TMEM117: variants seen among roughly 807,000 people sequenced by gnomAD.
TMEM117 encodes transmembrane protein 117.
Under a neutral mutation model 52.4 loss-of-function variants are expected in TMEM117, and 27 were observed. That is an observed-to-expected ratio of 0.51 (90% confidence interval 0.38 to 0.71). The LOEUF (loss-of-function observed/expected upper bound fraction) is 0.71, where lower values mean the gene tolerates loss of function less well. Ranked by LOEUF, TMEM117 falls within the 30% of genes least tolerant of loss-of-function variation. TMEM117 has a pLI of 0.00. For synonymous variants in TMEM117, 215 were observed against 206.3 expected, an observed-to-expected ratio of 1.04 and a Z score of -0.36; for missense variants, 556 against 630.5, an observed-to-expected ratio of 0.88 and a Z score of 1.26.
chr12:43,959,891 A>T (rs1945373860), intron 3 of TMEM117, among the ~76,000 whole-genome samples: 1 of 152,242 alleles, frequency 6.6e-6, no homozygotes. Context: ...GAGATACAAT[A>T]TGATTTCCAA....
At chr12:43,796,927 GA>G in the TMEM117 span, 1 of 1,572,806 alleles carries the variant, frequency 6.4e-7, no homozygotes. Flanking sequence ...ACATAGAAAT[GA>G]AAAGAAAAAT....
chr12:44,347,809 C>G (rs937312611), intron 6 of TMEM117, among the ~76,000 whole-genome samples: 7 of 152,032 alleles, frequency 4.6e-5, no homozygotes, highest in Non-Finnish European at 1.0e-4. Flanking sequence ...AATTTTTCCT[C>G]TCTTCTTTAC....
intron 3 of TMEM117, among the ~76,000 whole-genome samples, chr12:44,129,432 C>A (rs1054438191): frequency 5.9e-5 from 9 of 151,810 alleles, no homozygotes; most frequent in Admixed American, 5.9e-4. Flanking sequence ...ATGTCAGTGT[C>A]TTGCAGAGCT....
intron 5 of TMEM117, among the ~76,000 whole-genome samples, chr12:44,220,906 A>C (rs933573304): frequency 6.6e-6 from 1 of 152,192 alleles, no homozygotes; most frequent in African/African-American, 2.4e-5. Context: ...AAAATGATTA[A>C]ATAAATAAGT....
chr12:43,930,135 T>C (rs1394980142), intron 2 of TMEM117, among the ~76,000 whole-genome samples: 2 of 152,196 alleles, frequency 1.3e-5, no homozygotes, highest in East Asian at 1.9e-4. Flanking sequence ...ATATATCACA[T>C]CCTAAAGCCT....
intron 3 of TMEM117, among the ~76,000 whole-genome samples, chr12:44,033,655 A>G (rs766022343): frequency 1.3e-5 from 2 of 152,228 alleles, no homozygotes; most frequent in Non-Finnish European, 2.9e-5. Flanking sequence ...CATTTCCTCA[A>G]TGATGGTCAT....
chr12:44,367,458 C>T (rs889888512), intron 6 of TMEM117, among the ~76,000 whole-genome samples: 2 of 152,054 alleles, frequency 1.3e-5, no homozygotes, highest in African/African-American at 4.8e-5. Flanking sequence ...ACCACTTTCT[C>T]TTGTTCTTCT....
chr12:43,813,231 G>GCTTTTTTTTTT, the TMEM117 span, among the ~76,000 whole-genome samples: 8 of 62,618 alleles, frequency 1.3e-4, no homozygotes, highest in African/African-American at 4.7e-4. Context: ...GTTTTCTCTT[G>GCTTTTTTTTTT]TTTTTTTTTT....
chr12:44,354,029 C>A (rs1225191119), intron 6 of TMEM117, among the ~76,000 whole-genome samples: 22 of 152,112 alleles, frequency 1.4e-4, no homozygotes, highest in Admixed American at 5.2e-4. Context: ...TGTAAGTTGG[C>A]TTCCTAGGTA....
chr12:43,920,696 A>AG (rs1944679858), intron 2 of TMEM117, among the ~76,000 whole-genome samples: 1 of 151,902 alleles, frequency 6.6e-6, no homozygotes. Flanking sequence ...CTGGCACCAT[A>AG]GGTGCACCAC....
At chr12:44,164,265 T>G (rs1365516357) in intron 4 of TMEM117, among the ~76,000 whole-genome samples, 1 of 152,156 alleles carries the variant, frequency 6.6e-6, no homozygotes, top group African/African-American at 2.4e-5. Flanking sequence ...GTTACATGGA[T>G]AAGTTCTTTA....
chr12:43,809,811 CTTTTA>C, the TMEM117 span, among the ~76,000 whole-genome samples: 8 of 152,098 alleles, frequency 5.3e-5, no homozygotes, highest in Non-Finnish European at 7.4e-5. Context: ...CTGAAATTAA[CTTTTA>C]TTATATGCAT....
intron 3 of TMEM117, among the ~76,000 whole-genome samples, chr12:43,984,362 C>CGTA (rs1945810787): frequency 9.8e-6 from 1 of 101,646 alleles, no homozygotes; most frequent in South Asian, 4.2e-4. Context: ...AGTGAGACTC[C>CGTA]GTAACAACAA....
upstream of TMEM117, chr12:43,835,878 G>C (rs1943016969): frequency 6.6e-6 from 1 of 152,158 alleles, no homozygotes; most frequent in East Asian, 1.9e-4. Flanking sequence ...CATGCCTCCA[G>C]CTGCAGAGGT....
At chr12:44,111,711 T>C (rs1169587330) in intron 3 of TMEM117, among the ~76,000 whole-genome samples, 7 of 141,644 alleles carry the variant, frequency 4.9e-5, no homozygotes, top group Non-Finnish European at 1.1e-4. Flanking sequence ...GTTCTGTAGA[T>C]GTCTATTAGG....
rs184529394 is a variant in TMEM117, at chr12:43,841,420, A to G, written c.-28-3204A>G. On this transcript the variant is annotated intron_variant, in intron 1 of 7. Transcript: ENST00000266534. The stretch of plus-strand genomic sequence containing the variant: ...CCTGTAATGTGGCAGTGATAGTAGC[A>G]TTCATGGCATTACTGTGGTAATTAA... Among the ~76,000 whole-genome samples, 57 of 152,328 alleles carry G rather than the reference A, an allele frequency of 3.7e-4. No individual in the cohort carries two copies. In the East Asian group the frequency reaches 0.011, roughly 28 times the overall value.
chr12:44,256,703 G>T (rs1950264252), intron 5 of TMEM117, among the ~76,000 whole-genome samples: 2 of 151,956 alleles, frequency 1.3e-5, no homozygotes, highest in Admixed American at 1.3e-4. Context: ...AAAATAACAT[G>T]GGCTTTCATC....
intron 3 of TMEM117, among the ~76,000 whole-genome samples, chr12:44,105,180 T>C (rs773032597): frequency 2.7e-4 from 41 of 152,016 alleles, no homozygotes; most frequent in Non-Finnish European, 4.9e-4. Context: ...TTTTTTCCCT[T>C]TGATTTTCAA....
At chr12:43,986,322 A>T (rs1945846467) in intron 3 of TMEM117, among the ~76,000 whole-genome samples, 1 of 152,200 alleles carries the variant, frequency 6.6e-6, no homozygotes. Context: ...AGTACTCATG[A>T]TTAAGTTTTT....
Sources: gnomAD v4.1 joint callset for allele counts (sites outside exome capture counted in the v4.1 genomes callset) on GRCh38, gnomAD v4.1.1 for gene constraint, MANE v1.5 for transcripts, NCBI Gene and HGNC (gene_info 2026-07-23, HGNC 2026-07-21) for gene names.